Variants in CSGALNACT2 observed in about 807,000 individuals in gnomAD.
CSGALNACT2 encodes the protein chondroitin sulfate N-acetylgalactosaminyltransferase 2.
CSGALNACT2 carries 35 observed loss-of-function variants against 55.3 expected under a neutral mutation model. The ratio of observed to expected loss-of-function variants is 0.63; its 90% confidence interval spans 0.48 to 0.84. The LOEUF (loss-of-function observed/expected upper bound fraction) is 0.84. CSGALNACT2 is among the 40% of genes least tolerant of loss of function. The pLI is 0.00. For missense variants in CSGALNACT2, 544 were observed against 657.5 expected (o/e 0.83, Z 1.89); for synonymous variants, 196 against 224.9 (o/e 0.87, Z 1.15).
intron 7 of CSGALNACT2, among the ~76,000 whole-genome samples, chr10:43,182,773 G>C (rs368836750): frequency 6.6e-6 from 1 of 151,556 alleles, no homozygotes; most frequent in East Asian, 1.9e-4. Context: ...GCTACTCGGG[G>C]CTGAGATGGG....
chr10:43,142,955 A>G (rs1158832283), intron 1 of CSGALNACT2, among the ~76,000 whole-genome samples: 4 of 152,208 alleles, frequency 2.6e-5, no homozygotes, highest in African/African-American at 9.6e-5. Context: ...CTTAATAGGA[A>G]ATAATATCTA....
chr10:43,170,721 A>G (rs1255910528), intron 6 of CSGALNACT2, among the ~76,000 whole-genome samples: 2 of 152,236 alleles, frequency 1.3e-5, no homozygotes, highest in Non-Finnish European at 2.9e-5. Flanking sequence ...AGAACATAGT[A>G]TGGAAAGAAA....
At chr10:43,177,593 G>A (rs1161335299) in intron 7 of CSGALNACT2, among the ~76,000 whole-genome samples, 1 of 152,124 alleles carries the variant, frequency 6.6e-6, no homozygotes, top group Admixed American at 6.5e-5. Context: ...GACATGTTAG[G>A]TACTTCATTC....
At position 43,162,730 on chromosome 10, in the gene CSGALNACT2, C is replaced by T. The variant is rs1241744796; in HGVS notation, c.981-1136C>T. ...TTCTCCAGCTTCAGTGCCAGAGTCA[C>T]CAGGAGGACTTGTGAAAATGTAGAG... On this transcript the variant is annotated intron_variant, in intron 4 of 7. Transcript: ENST00000374466. 6 of 970,572 alleles carry T rather than the reference C, an allele frequency of 6.2e-6. No homozygotes were observed. In the African/African-American group the frequency reaches 1.1e-4, roughly 17 times the overall value. 60.1% of individuals were successfully genotyped at this position (970,572 alleles called of 1,614,324 possible). A position where few individuals can be genotyped will look rare whatever the true frequency, so the allele number is the denominator to read the frequency against.
rs932634024 is a variant in CSGALNACT2, at chr10:43,184,551, G to A, written c.*1009G>A. The A allele has an allele frequency of 1.3e-5, 2 of 152,198 alleles. No homozygotes were observed. The highest frequency in any genetic ancestry group is 4.8e-5 in the African/African-American group (2 of 41,454). The allele number at this position is 152,198 out of a possible 1,614,324, so 9.4% of individuals were successfully genotyped here. ...TGAGTTGAAAAAGAGTTTCATTGTG[G>A]AGAGAAAAAGCAAATGGTATGCCAC... On this transcript the variant is annotated 3_prime_UTR_variant, in exon 8 of 8. Transcript: ENST00000374466.
At chr10:43,147,657 T>C (rs1453653262) in intron 1 of CSGALNACT2, among the ~76,000 whole-genome samples, 1 of 152,208 alleles carries the variant, frequency 6.6e-6, no homozygotes, top group Non-Finnish European at 1.5e-5. Context: ...GGTATCTAAT[T>C]GTGCTTTTGA....
rs1221094556 is a variant in CSGALNACT2, at chr10:43,169,934, A to G, written c.1254+2836A>G. ...TTCTAGAATTCATATTCAACCTACT[A>G]TTTTAGGACAAAATAGACATTTTTG... On this transcript the variant is annotated intron_variant, in intron 6 of 7. Transcript: ENST00000374466. Among the ~76,000 whole-genome samples the G allele has an allele frequency of 2.6e-5, 4 of 152,352 alleles. No homozygotes were observed. In the South Asian group the frequency reaches 8.3e-4, roughly 32 times the overall value.
At chr10:43,169,295 A>G (rs1839338621) in intron 6 of CSGALNACT2, among the ~76,000 whole-genome samples, 1 of 152,228 alleles carries the variant, frequency 6.6e-6, no homozygotes, top group Non-Finnish European at 1.5e-5. Flanking sequence ...ACCAAGACTA[A>G]CCAAACATTT....
intron 1 of CSGALNACT2, among the ~76,000 whole-genome samples, chr10:43,150,323 C>T (rs570809870): frequency 9.4e-4 from 143 of 152,238 alleles, no homozygotes; most frequent in Non-Finnish European, 1.2e-3. Context: ...TTACCAATGT[C>T]GTTAACATTA....
At position 43,155,242 on chromosome 10, in the gene CSGALNACT2, C is replaced by T; in HGVS notation, c.93C>T (p.Leu31=). 1 of 1,614,062 alleles carries T rather than the reference C, an allele frequency of 6.2e-7. No individual in the cohort carries two copies. Among genetic ancestry groups the T allele is most frequent in the Non-Finnish European group, 8.5e-7 (1 of 1,179,990 alleles). The change falls in exon 2 of 8, where the codon CTC becomes CTT. Residue 31 remains leucine, a synonymous_variant. Coordinates refer to ENST00000374466, the MANE Select transcript of CSGALNACT2 (RefSeq NM_018590.5). ...LLCSLVLFMY[L]LECAPQTDGN... ...GCAGTTTGGTATTATTTATGTACCT[C>T]CTGGAATGTGCCCCCCAGACTGATG...
At position 43,164,578 on chromosome 10, in the gene CSGALNACT2, G is replaced by A. The variant is rs1260047839; in HGVS notation, c.1159+534G>A. 2.0e-5 allele frequency among the ~76,000 whole-genome samples: 3 copies of A among 152,260 alleles called. No homozygotes were observed. In the East Asian group the frequency reaches 5.8e-4, roughly 29 times the overall value. On this transcript the variant is annotated intron_variant, in intron 5 of 7. Transcript: ENST00000374466. ...AAAATTAATGAGATAGCCAGGTGCA[G>A]GGGCTCACGCCTATAATCTCAGTAC...
At chr10:43,158,615 A>G in intron 2 of CSGALNACT2, 100 bp from the exon 3 acceptor site, 1 of 688,480 alleles carries the variant, frequency 1.5e-6, no homozygotes, top group Non-Finnish European at 2.6e-6. Context: ...CTGCAGGTCT[A>G]GTTTAATACC....
intron 4 of CSGALNACT2, chr10:43,163,473 CAT>C (rs904424860): frequency 1.7e-5 from 17 of 971,686 alleles, no homozygotes; most frequent in African/African-American, 1.2e-4. Context: ...GATAAGGCGA[CAT>C]GTGTGCAAAG....
intron 4 of CSGALNACT2, chr10:43,162,443 G>A (rs912953927): frequency 4.5e-5 from 44 of 985,330 alleles, no homozygotes; most frequent in Non-Finnish European, 9.6e-6. Flanking sequence ...TGGGCAGAGA[G>A]TGAGGGGTAT....
At chr10:43,153,352 C>G (rs954680478) in intron 1 of CSGALNACT2, among the ~76,000 whole-genome samples, 2 of 74,740 alleles carry the variant, frequency 2.7e-5, no homozygotes, top group Non-Finnish European at 5.6e-5. Context: ...AAAGGACTCC[C>G]TTGTAGTGAG....
intron 1 of CSGALNACT2, among the ~76,000 whole-genome samples, chr10:43,150,449 A>G (rs1376165966): frequency 1.3e-5 from 2 of 152,218 alleles, no homozygotes; most frequent in Non-Finnish European, 2.9e-5. Flanking sequence ...CTTTTTATGT[A>G]GAGAAAGTAT....
At chr10:43,182,770 G>A (rs886380086) in intron 7 of CSGALNACT2, among the ~76,000 whole-genome samples, 23 of 151,334 alleles carry the variant, frequency 1.5e-4, no homozygotes, top group African/African-American at 5.3e-4. Flanking sequence ...CCAGCTACTC[G>A]GGGCTGAGAT....
chr10:43,156,894 TG>T (rs1311094599), intron 2 of CSGALNACT2, among the ~76,000 whole-genome samples: 1 of 152,216 alleles, frequency 6.6e-6, no homozygotes, highest in South Asian at 2.1e-4. Flanking sequence ...GTCTGTGGCC[TG>T]GGGGTTAGGG....
At chr10:43,164,909 T>C (rs896649990) in intron 5 of CSGALNACT2, among the ~76,000 whole-genome samples, 4 of 151,990 alleles carry the variant, frequency 2.6e-5, no homozygotes, top group Admixed American at 2.0e-4. Context: ...AAATGCTTTT[T>C]AGTTCATTTA....
Sources: allele counts gnomAD v4.1 joint callset (sites outside exome capture counted in the v4.1 genomes callset), GRCh38; gene constraint gnomAD v4.1.1; transcripts MANE v1.5; gene names NCBI Gene and HGNC (gene_info 2026-07-23, HGNC 2026-07-21).